RALYL: variants seen among roughly 807,000 people sequenced by gnomAD.
The protein encoded by RALYL is RNA-binding Raly-like protein.
In RALYL, 29 loss-of-function variants were observed where a neutral mutation model predicts 35.1. The ratio of observed to expected loss-of-function variants is 0.83; its 90% CI spans 0.61 to 1.13. RALYL has a LOEUF of 1.13. Among genes scored for constraint, RALYL ranks in the 50% most tolerant of loss-of-function variants. The pLI is 0.00. For missense variants in RALYL, 359 were observed against 360.4 expected (o/e 1.00, Z 0.03); for synonymous variants, 120 against 127.6 (o/e 0.94, Z 0.40).
chr8:84,355,043 T>A (rs1851565102), intron 1 of RALYL, among the ~76,000 whole-genome samples: 2 of 150,512 alleles, frequency 1.3e-5, no homozygotes, highest in South Asian at 4.2e-4. Flanking sequence ...TTGGAAATTA[T>A]GACTTTTGAG....
At chr8:84,333,631 T>G (rs900933514) in intron 1 of RALYL, among the ~76,000 whole-genome samples, 3 of 152,134 alleles carry the variant, frequency 2.0e-5, no homozygotes, top group Non-Finnish European at 4.4e-5. Context: ...CTAGAAAGCC[T>G]GCTGACTCTC....
chr8:84,706,548 G>A (rs961221618), intron 2 of RALYL, among the ~76,000 whole-genome samples: 1 of 152,092 alleles, frequency 6.6e-6, no homozygotes, highest in African/African-American at 2.4e-5. Context: ...ATATTTAACA[G>A]GATATTCATT....
intron 1 of RALYL, among the ~76,000 whole-genome samples, chr8:84,223,649 G>A (rs1328297159): frequency 1.3e-5 from 2 of 152,186 alleles, no homozygotes; most frequent in Non-Finnish European, 2.9e-5. Flanking sequence ...TGGTTGGAAG[G>A]AAGTTTGAGA....
intron 1 of RALYL, among the ~76,000 whole-genome samples, chr8:84,342,499 G>A (rs944342731): frequency 1.1e-4 from 16 of 151,302 alleles, no homozygotes; most frequent in Non-Finnish European, 1.6e-4. Context: ...TTTGGTGCTT[G>A]AAGAAGCGAA....
intron 1 of RALYL, among the ~76,000 whole-genome samples, chr8:84,452,692 G>A (rs1397270608): frequency 2.0e-5 from 3 of 151,910 alleles, no homozygotes; most frequent in Admixed American, 6.6e-5. Context: ...CAAAGCTTTC[G>A]TAATTGCATT....
intron 2 of RALYL, among the ~76,000 whole-genome samples, chr8:84,702,450 G>T (rs1025955837): frequency 6.6e-6 from 1 of 151,914 alleles, no homozygotes; most frequent in African/African-American, 2.4e-5. Flanking sequence ...TTTCAAAATT[G>T]GGATAGAGAT....
At chr8:84,618,052 C>G (rs1291824934) in intron 2 of RALYL, among the ~76,000 whole-genome samples, 1 of 151,728 alleles carries the variant, frequency 6.6e-6, no homozygotes, top group African/African-American at 2.4e-5. Context: ...GTCTAAAATT[C>G]TCTTTTTTGG....
At chr8:84,261,816 A>T (rs1460699895) in intron 1 of RALYL, among the ~76,000 whole-genome samples, 1 of 152,130 alleles carries the variant, frequency 6.6e-6, no homozygotes, top group East Asian at 1.9e-4. Context: ...ATGGAATTAG[A>T]ATAGCAATCT....
chr8:84,530,124 T>C (rs2059179331), intron 2 of RALYL, among the ~76,000 whole-genome samples: 3 of 152,142 alleles, frequency 2.0e-5, no homozygotes, highest in African/African-American at 7.2e-5. Flanking sequence ...GATTTCTGTC[T>C]AATGTTCAAG....
chr8:84,211,880 C>T (rs1448135983), intron 1 of RALYL, among the ~76,000 whole-genome samples: 9 of 152,008 alleles, frequency 5.9e-5, no homozygotes, highest in Admixed American at 5.9e-4. Context: ...AAAACATTAT[C>T]AAAAATTTAT....
chr8:84,579,479 G>A (rs568050840), intron 2 of RALYL, among the ~76,000 whole-genome samples: 4 of 152,308 alleles, frequency 2.6e-5, no homozygotes, highest in East Asian at 3.9e-4. Context: ...CCTGTTCATG[G>A]CACTTGCTGA....
intron 2 of RALYL, among the ~76,000 whole-genome samples, chr8:84,697,811 C>T (rs1839435319): frequency 6.6e-6 from 1 of 152,056 alleles, no homozygotes; most frequent in African/African-American, 2.4e-5. Flanking sequence ...CATCATTTAG[C>T]TCCCACTTAC....
In RALYL at chr8:84,883,504, G is replaced by A. The variant is rs1362734265; in HGVS notation, c.686-4100G>A. Among the ~76,000 whole-genome samples the A allele has an allele frequency of 2.0e-5, 3 of 151,982 alleles. No homozygotes were observed. The South Asian group carries it at 6.2e-4, about 32-fold the overall frequency. On this transcript the variant is annotated intron_variant, in intron 7 of 8. Transcript: ENST00000521268. ...TATATGGCAGCAGGCAAGAGAGAAT[G>A]AGAGCCAGGAGAAACGGGAAACCCC...
At chr8:84,321,325 A>G (rs1844763306) in intron 1 of RALYL, among the ~76,000 whole-genome samples, 1 of 152,126 alleles carries the variant, frequency 6.6e-6, no homozygotes, top group Non-Finnish European at 1.5e-5. Flanking sequence ...CATAAGAGAA[A>G]TGATATCTTG....
intron 1 of RALYL, among the ~76,000 whole-genome samples, chr8:84,365,760 G>T (rs1854115875): frequency 6.6e-6 from 1 of 152,152 alleles, no homozygotes; most frequent in South Asian, 2.1e-4. Context: ...CTCAGAAAAT[G>T]AATTTTTTAG....
chr8:84,435,554 C>T (rs565243075), intron 1 of RALYL, among the ~76,000 whole-genome samples: 3 of 152,248 alleles, frequency 2.0e-5, no homozygotes, highest in South Asian at 2.1e-4. Flanking sequence ...AACTGTAAGT[C>T]GGTGATGTTC....
chr8:84,651,546 A>AT (rs1349570939), intron 2 of RALYL, among the ~76,000 whole-genome samples: 1 of 152,050 alleles, frequency 6.6e-6, no homozygotes, highest in East Asian at 1.9e-4. Flanking sequence ...TTTCCATAGA[A>AT]TAAACACAGC....
intron 6 of RALYL, among the ~76,000 whole-genome samples, chr8:84,865,295 G>A (rs1464379998): frequency 6.6e-6 from 1 of 152,138 alleles, no homozygotes; most frequent in East Asian, 1.9e-4. Flanking sequence ...GATTTACTAA[G>A]GTATATAGCT....
chr8:84,784,614 G>A (rs1026501800), intron 3 of RALYL, among the ~76,000 whole-genome samples: 8 of 152,068 alleles, frequency 5.3e-5, no homozygotes, highest in Non-Finnish European at 8.8e-5. Context: ...GTGGCTTATA[G>A]GTTTTTTAAG....
Sources: gnomAD v4.1 joint callset for allele counts (sites outside exome capture counted in the v4.1 genomes callset) on GRCh38, gnomAD v4.1.1 for gene constraint, MANE v1.5 for transcripts, NCBI Gene and HGNC (gene_info 2026-07-23, HGNC 2026-07-21) for gene names.